Variants in CLINT1 observed in about 807,000 individuals in gnomAD.
CLINT1 encodes clathrin interactor 1, also known as clathrin interacting protein localized in the trans-Golgi region.
CLINT1 carries 15 observed loss-of-function variants against 70.4 expected under a neutral mutation model. The ratio of observed to expected loss-of-function variants is 0.21; its 90% CI spans 0.14 to 0.33. The LOEUF is 0.33. CLINT1 is among the 10% of genes least tolerant of loss of function. The pLI, the probability that CLINT1 is intolerant of heterozygous loss-of-function variation, is 1.00. For missense variants in CLINT1, 615 were observed against 778.1 expected, an observed-to-expected ratio of 0.79 and a Z score of 2.49; for synonymous variants, 227 against 254.7, an observed-to-expected ratio of 0.89 and a Z score of 1.04.
chr5:157,788,187 G>A (rs571941009), intron 11 of CLINT1, among the ~76,000 whole-genome samples, 195 bp from the exon 12 acceptor site: 1 of 152,222 alleles, frequency 6.6e-6, no homozygotes, highest in South Asian at 2.1e-4. Context: ...TATTGGCTCT[G>A]GTTCCCCAGA....
chr5:157,824,642 T>C (rs1185321098), intron 1 of CLINT1, among the ~76,000 whole-genome samples: 1 of 152,192 alleles, frequency 6.6e-6, no homozygotes, highest in Non-Finnish European at 1.5e-5. Flanking sequence ...AAAGCAATAA[T>C]AAACCATAGT....
intron 1 of CLINT1, among the ~76,000 whole-genome samples, chr5:157,842,562 C>G (rs182031056): frequency 6.6e-6 from 1 of 152,314 alleles, no homozygotes; most frequent in East Asian, 1.9e-4. Flanking sequence ...CTCTAAATCA[C>G]TAGAATATCC....
intron 9 of CLINT1, 83 bp downstream of exon 9, chr5:157,794,812 AAAG>A: frequency 2.1e-6 from 2 of 956,488 alleles, no homozygotes; most frequent in Non-Finnish European, 3.2e-6. Flanking sequence ...AAAATGACAG[AAAG>A]AAGCTGACTT....
At chr5:157,849,907 T>C (rs1753512620) in intron 1 of CLINT1, among the ~76,000 whole-genome samples, 1 of 152,214 alleles carries the variant, frequency 6.6e-6, no homozygotes, top group African/African-American at 2.4e-5. Context: ...TAAGAGTTAG[T>C]AATACAGCAG....
intron 1 of CLINT1, among the ~76,000 whole-genome samples, chr5:157,831,224 G>C (rs1333508336): frequency 7.3e-6 from 1 of 137,002 alleles, no homozygotes; most frequent in African/African-American, 2.8e-5. Flanking sequence ...GTCTCCCTCT[G>C]TTGCCCAGGC....
At chr5:157,800,790 A>C (rs1185059235) in intron 8 of CLINT1, among the ~76,000 whole-genome samples, 3 of 152,166 alleles carry the variant, frequency 2.0e-5, no homozygotes, top group Admixed American at 1.3e-4. Flanking sequence ...CAAACCACTC[A>C]AAGGTTCCTT....
At chr5:157,831,423 C>CTCA (rs1288448322) in intron 1 of CLINT1, among the ~76,000 whole-genome samples, 1 of 152,054 alleles carries the variant, frequency 6.6e-6, no homozygotes, top group African/African-American at 2.4e-5. Context: ...AACTCTTGAC[C>CTCA]TCAGGGATCT....
intron 1 of CLINT1, among the ~76,000 whole-genome samples, chr5:157,835,696 G>C (rs1274454514): frequency 2.0e-5 from 3 of 151,944 alleles, no homozygotes; most frequent in Admixed American, 1.3e-4. Context: ...ATGAACAAGG[G>C]AACTAAAATA....
rs114683650 is a variant in CLINT1, at chr5:157,839,004, G to A, written c.41+19926C>T. Among the ~76,000 whole-genome samples the A allele has an allele frequency of 6.9e-3, 1,058 of 152,248 alleles. 12 individuals carry two copies. Among genetic ancestry groups the A allele is most frequent in the African/African-American group, 0.024 (993 of 41,526 alleles). On this transcript the variant is annotated intron_variant, in intron 1 of 11. Coordinates refer to ENST00000411809, the MANE Select transcript of CLINT1 (RefSeq NM_014666.4). Reference sequence around the variant, plus strand: ...AATCCCAGCACTTTGGGAGGTGGGCGGATTGCTTGAGCCCAGGAGTTTGAG... The same window carrying A: ...AATCCCAGCACTTTGGGAGGTGGGCAGATTGCTTGAGCCCAGGAGTTTGAG...
intron 1 of CLINT1, among the ~76,000 whole-genome samples, chr5:157,844,788 C>G (rs1753312912): frequency 1.3e-5 from 2 of 152,156 alleles, no homozygotes; most frequent in Non-Finnish European, 2.9e-5. Context: ...AAAAGTTGGT[C>G]ACAGAGGACC....
chr5:157,805,716 C>A (rs145672233), intron 7 of CLINT1, 150 bp downstream of exon 7: 178 of 978,110 alleles, frequency 1.8e-4, no homozygotes, highest in Middle Eastern at 1.7e-3. Flanking sequence ...AAAGAGATTT[C>A]TTATTATTAA....
rs1250975866 is a variant in CLINT1 at position 157,787,964 on chromosome 5, A to C, written c.1560T>G (p.Thr520=). 1 of 1,610,780 alleles carries C rather than the reference A, an allele frequency of 6.2e-7. No homozygotes were observed. Among genetic ancestry groups the C allele is most frequent in the South Asian group, 1.1e-5 (1 of 90,540 alleles). Residue 520 remains threonine, a synonymous_variant, in exon 12 of 12, where the codon ACT becomes ACG. Coordinates refer to ENST00000411809, the MANE Select transcript of CLINT1 (RefSeq NM_014666.4). Reference sequence around the variant, plus strand: ...TGAGGTTCACAGCTCCAAAACTTTGAGTCATCACATTCATAGGCTGCTGCA... The same window carrying C: ...TGAGGTTCACAGCTCCAAAACTTTGCGTCATCACATTCATAGGCTGCTGCA... The part of the protein sequence containing the change: ...QNMQQPMNVM[T]QSFGAVNLSS...
chr5:157,817,932 T>C (rs771072133), intron 1 of CLINT1, among the ~76,000 whole-genome samples: 3 of 152,236 alleles, frequency 2.0e-5, no homozygotes, highest in Non-Finnish European at 2.9e-5. Context: ...GGCTTATGTT[T>C]CCTGCTTATA....
chr5:157,811,196 A>G (rs145686431), intron 5 of CLINT1, among the ~76,000 whole-genome samples: 1 of 152,348 alleles, frequency 6.6e-6, no homozygotes, highest in African/African-American at 2.4e-5. Flanking sequence ...ATACTGAATT[A>G]CTGCTAAAGA....
At chr5:157,854,740 C>A (rs1387636988) in intron 1 of CLINT1, among the ~76,000 whole-genome samples, 1 of 152,074 alleles carries the variant, frequency 6.6e-6, no homozygotes, top group African/African-American at 2.4e-5. Flanking sequence ...CAATAAAAAT[C>A]AACTTATGAG....
chr5:157,848,163 T>A (rs1435078046), intron 1 of CLINT1, among the ~76,000 whole-genome samples: 1 of 146,590 alleles, frequency 6.8e-6, no homozygotes, highest in African/African-American at 2.5e-5. Flanking sequence ...GGAGTGGCAC[T>A]ATCTTGGCTC....
intron 1 of CLINT1, among the ~76,000 whole-genome samples, chr5:157,840,440 C>T (rs1048787819): frequency 4.0e-5 from 6 of 151,790 alleles, no homozygotes; most frequent in South Asian, 2.1e-4. Context: ...GTCAAATTTT[C>T]GGAATATTTT....
In CLINT1 at chr5:157,801,504, C is replaced by T. The variant is rs150217913; in HGVS notation, c.1012+2146G>A. On this transcript the variant is annotated intron_variant, in intron 8 of 11. Transcript: ENST00000411809. ...CTGGGCAACAAGGGCGAAACTCTGT[C>T]TCAAAAAAAAAAATAGAGAAAGAAA... is the stretch of plus-strand genomic sequence containing the variant. Among the ~76,000 whole-genome samples, 63 of 149,326 alleles carry T rather than the reference C, an allele frequency of 4.2e-4. 1 individual carries two copies. In the East Asian group the frequency reaches 0.012, roughly 28 times the overall value.
intron 1 of CLINT1, among the ~76,000 whole-genome samples, chr5:157,824,032 G>A (rs1762955463): frequency 1.3e-5 from 2 of 152,152 alleles, no homozygotes; most frequent in South Asian, 2.1e-4. Context: ...TGCAAAAATT[G>A]TCTTCCACAA....
Sources: gnomAD v4.1 joint callset for allele counts (sites outside exome capture counted in the v4.1 genomes callset) on GRCh38, gnomAD v4.1.1 for gene constraint, MANE v1.5 for transcripts, NCBI Gene and HGNC (gene_info 2026-07-23, HGNC 2026-07-21) for gene names.